Variants in ZBTB7A observed in about 807,000 individuals in gnomAD.
ZBTB7A encodes zinc finger and BTB domain-containing protein 7A.
In ZBTB7A, 7 loss-of-function variants were observed where a neutral mutation model predicts 26.7. That is an observed-to-expected ratio of 0.26 (90% CI 0.15 to 0.49). The LOEUF is 0.49. Ranked by LOEUF, ZBTB7A falls within the 20% of genes least tolerant of loss-of-function variation. The pLI is 0.98. For missense variants in ZBTB7A, 617 were observed against 919.5 expected (o/e 0.67, Z 4.25); for synonymous variants, 452 against 441.0 (o/e 1.02, Z -0.31).
Position 4,054,149 on chromosome 19 carries a change from C to G in ZBTB7A, c.1084G>C (p.Gly362Arg). ...TGCGACCAGGCCGGGTAGACGTCGC[C>G]GTCGTGGGCGCCGCTGAAGTACTTC... ...YLKYFSGAHD[G>R]DVYPAWSQKV... Residue 362 changes from glycine to arginine, a missense_variant, in exon 2 of 3, where the codon GGC becomes CGC. Gly to Arg is a moderately radical substitution (Grantham distance 125). Coordinates refer to ENST00000322357, the MANE Select transcript of ZBTB7A (RefSeq NM_015898.4). 1 of 1,603,412 alleles carries G rather than the reference C, an allele frequency of 6.2e-7. No homozygotes were observed. Among genetic ancestry groups the G allele is most frequent in the Non-Finnish European group, 8.5e-7 (1 of 1,179,716 alleles).
Position 4,043,850 on chromosome 19 carries a change from C to A in ZBTB7A, c.*3902G>T, listed in dbSNP as rs1192858440. Among the ~76,000 whole-genome samples, 6 of 144,992 alleles carry A rather than the reference C, an allele frequency of 4.1e-5. No individual in the cohort carries two copies. The highest frequency in any genetic ancestry group is 5.0e-5 in the African/African-American group (2 of 39,908). ...CCTGCGCCAGCCACCCACCACCCCC[C>A]CCCCCCCACCTCCAGGAAGGCTGCT... On this transcript the variant is annotated 3_prime_UTR_variant, in exon 3 of 3. Coordinates refer to ENST00000322357, the MANE Select transcript of ZBTB7A (RefSeq NM_015898.4).
At chr19:4,058,594 T>G (rs1212424946) in intron 1 of ZBTB7A, among the ~76,000 whole-genome samples, 2 of 152,062 alleles carry the variant, frequency 1.3e-5, no homozygotes, top group Non-Finnish European at 2.9e-5. Flanking sequence ...GGCCGGCCGG[T>G]GGCTCTCGGG....
Position 4,052,494 on chromosome 19 carries a change from G to A in ZBTB7A, c.1262+1477C>T, listed in dbSNP as rs535798140. ...CGCACCTTCCTCTCCTGGCCTGCTG[G>A]GGAGGGGGCCGGGGTGCTGGGGAGG... On this transcript the variant is annotated intron_variant, in intron 2 of 2. Transcript: ENST00000322357. The surrounding 1 kb of genome is among the most constrained non-coding windows in gnomAD (Gnocchi z 4.9). Among the ~76,000 whole-genome samples the A allele has an allele frequency of 6.0e-4, 91 of 152,262 alleles. No homozygotes were observed. Among genetic ancestry groups the A allele is most frequent in the South Asian group, 1.7e-3 (8 of 4,830 alleles).
rs1412336557 is a variant in ZBTB7A, at chr19:4,048,870, C to T, written c.1263-626G>A. On this transcript the variant is annotated intron_variant, in intron 2 of 2. Coordinates refer to ENST00000322357, the MANE Select transcript of ZBTB7A (RefSeq NM_015898.4). The surrounding 1 kb of genome is among the most constrained non-coding windows in gnomAD (Gnocchi z 6.7). ...CGTCTCAAAAAACAAATCTGCCAGG[C>T]GTGGTGGCGCAGGCCTATAATCCCA... Among the ~76,000 whole-genome samples, 4 of 149,840 alleles carry T rather than the reference C, an allele frequency of 2.7e-5. No individual in the cohort carries two copies. Among genetic ancestry groups the T allele is most frequent in the African/African-American group, 7.4e-5 (3 of 40,728 alleles).
rs1267182008 is a variant in ZBTB7A at position 4,054,766 on chromosome 19, CGGAGGA to C, written c.461_466del (p.Leu154_Leu155del). On this transcript the variant is annotated inframe_deletion, in exon 2 of 3. Coordinates refer to ENST00000322357, the MANE Select transcript of ZBTB7A (RefSeq NM_015898.4). ...GAAGAACTCGAGGTACTCCTTGGCG[CGGAGGA>C]GGTTGCGCTGATCAATTTGATCTAC... The C allele has an allele frequency of 6.4e-7, 1 of 1,574,142 alleles. No individual in the cohort carries two copies. The highest frequency in any genetic ancestry group is 8.6e-7 in the Non-Finnish European group (1 of 1,159,434).
chr19:4,049,790 C>G (rs773912798), intron 2 of ZBTB7A, among the ~76,000 whole-genome samples: 14 of 152,220 alleles, frequency 9.2e-5, no homozygotes, highest in Non-Finnish European at 1.3e-4. Flanking sequence ...TACGCTGGGG[C>G]CTTTGCATGT....
chr19:4,049,038 T>C (rs891048998), intron 2 of ZBTB7A, among the ~76,000 whole-genome samples: 3 of 148,742 alleles, frequency 2.0e-5, no homozygotes, highest in Admixed American at 6.7e-5. Flanking sequence ...GGCAGTGGCG[T>C]GATCACGGTT....
intron 1 of ZBTB7A, chr19:4,065,439 G>A (rs1439707839): frequency 6.9e-6 from 1 of 145,888 alleles, no homozygotes; most frequent in East Asian, 2.0e-4. Flanking sequence ...CCTCCTTCCC[G>A]GGGCAGCGGC....
intron 1 of ZBTB7A, among the ~76,000 whole-genome samples, chr19:4,058,574 C>T (rs1297719455): frequency 6.6e-6 from 1 of 152,228 alleles, no homozygotes; most frequent in East Asian, 1.9e-4. Context: ...GCACAGCTCA[C>T]ATTCCTCCAG....
rs2040554567 is a variant in ZBTB7A at position 4,054,716 on chromosome 19, G to A, written c.517C>T (p.Pro173Ser). 2 of 1,573,708 alleles carry A rather than the reference G, an allele frequency of 1.3e-6. No homozygotes were observed. Among genetic ancestry groups the A allele is most frequent in the Non-Finnish European group, 8.6e-7 (1 of 1,159,650 alleles). ...GCAGCGGCGGCGGCGGCCGCGGGGG[G>A]CAGGCTGTTCATGGGGTTGCTCTGG... Reference protein sequence around the residue: ...FFQSNPMNSLPPAAAAAAASF... With the variant: ...FFQSNPMNSLSPAAAAAAASF... The change falls in exon 2 of 3, where the codon CCC (proline) becomes TCC (serine). Residue 173 changes from proline to serine, a missense_variant. Pro to Ser is a moderately conservative substitution (Grantham distance 74, BLOSUM62 -1). Around this residue, in one of 5 missense-constraint regions of ZBTB7A, gnomAD observed 331 missense variants for 391.3 expected, o/e 0.85. Transcript: ENST00000322357.
In ZBTB7A at chr19:4,048,360, C is replaced by A; in HGVS notation, c.1263-116G>T. 7.4e-7 allele frequency: 1 copy of A among 1,350,240 alleles called. No individual in the cohort carries two copies. The highest frequency in any genetic ancestry group is 9.6e-7 in the Non-Finnish European group (1 of 1,046,814). 83.6% of individuals were successfully genotyped at this position (1,350,240 alleles called of 1,614,324 possible). ...ATCATCACCCTTGCAGAACACGGACCGTGCACCAGAGGTTTCGGTGCCCCG... is the reference window on the plus strand; with the variant it reads ...ATCATCACCCTTGCAGAACACGGACAGTGCACCAGAGGTTTCGGTGCCCCG... On this transcript the variant is annotated intron_variant, in intron 2 of 2. Coordinates refer to ENST00000322357, the MANE Select transcript of ZBTB7A (RefSeq NM_015898.4). This position sits in a 1 kb window ranked among gnomAD's most constrained non-coding sequence, Gnocchi z 6.7.
rs1429908466 is a variant in ZBTB7A at position 4,054,474 on chromosome 19, G to A, written c.759C>T (p.Thr253=). Residue 253 remains threonine (T), a synonymous_variant, in exon 2 of 3, where the codon ACC becomes ACT. Transcript: ENST00000322357. ...LWPERDEDAP[T]GGLFPPPVAP... is the part of the protein sequence containing the mutation. Reference sequence around the variant, plus strand: ...CCACCGGCGGCGGAAAGAGACCCCCGGTGGGGGCGTCCTCATCCCGCTCTG... The same window carrying A: ...CCACCGGCGGCGGAAAGAGACCCCCAGTGGGGGCGTCCTCATCCCGCTCTG... The A allele has an allele frequency of 1.5e-6, 2 of 1,372,914 alleles. No individual in the cohort carries two copies. The highest frequency in any genetic ancestry group is 1.9e-6 in the Non-Finnish European group (2 of 1,071,716). 85.0% of individuals were successfully genotyped at this position (1,372,914 alleles called of 1,614,324 possible).
chr19:4,049,166 GTGTATATATATA>G (rs1325623800), intron 2 of ZBTB7A, among the ~76,000 whole-genome samples: 2 of 13,476 alleles, frequency 1.5e-4, no homozygotes, highest in African/African-American at 2.1e-4. Context: ...GTGTGTGTGT[GTGTATATATATA>G]TATATATATA....
At chr19:4,064,523 T>A (rs990314752) in intron 1 of ZBTB7A, among the ~76,000 whole-genome samples, 3 of 152,258 alleles carry the variant, frequency 2.0e-5, no homozygotes, top group African/African-American at 7.2e-5. Flanking sequence ...TGCCCCAGCC[T>A]GGCCTCCCCG....
intron 2 of ZBTB7A, among the ~76,000 whole-genome samples, chr19:4,049,523 G>A (rs758951252): frequency 2.6e-5 from 4 of 151,998 alleles, no homozygotes; most frequent in Non-Finnish European, 5.9e-5. Context: ...AACAAGACAG[G>A]CAAACATCCC....
chr19:4,046,049 G>A lies in ZBTB7A; in HGVS notation c.*1703C>T, dbSNP rs1454687010. On this transcript the variant is annotated 3_prime_UTR_variant, in exon 3 of 3. Coordinates refer to ENST00000322357, the MANE Select transcript of ZBTB7A (RefSeq NM_015898.4). Reference sequence around the variant, plus strand: ...TGGGGGATTGGGGGGTGCCGGATGGGGATCGGGGTGCTCCGGCTGGAAGGC... The same window carrying A: ...TGGGGGATTGGGGGGTGCCGGATGGAGATCGGGGTGCTCCGGCTGGAAGGC... 5.0e-6 allele frequency: 2 copies of A among 399,140 alleles called. No homozygotes were observed. Among genetic ancestry groups the A allele is most frequent in the Non-Finnish European group, 8.8e-6 (2 of 226,168 alleles). The allele number at this position is 399,140 out of a possible 1,614,324, so 24.7% of individuals were successfully genotyped here. A position where few individuals can be genotyped will look rare whatever the true frequency, so the allele number is the denominator to read the frequency against.
At position 4,066,755 on chromosome 19, in the gene ZBTB7A, CGGGG is replaced by C. The variant is rs1043352860; in HGVS notation, c.-93_-90del. On this transcript the variant is annotated 5_prime_UTR_variant, in exon 1 of 3. Transcript: ENST00000322357. ...CTGGGCTCCCTCGGCCGCTCGCCTC[CGGGG>C]TCCGCGGCGCTCGCTCTGCCCGCGT... 1 of 151,730 alleles carries C rather than the reference CGGGG, an allele frequency of 6.6e-6. No homozygotes were observed. Among genetic ancestry groups the C allele is most frequent in the African/African-American group, 2.4e-5 (1 of 41,320 alleles). The allele number at this position is 151,730 out of a possible 1,614,324, so 9.4% of individuals were successfully genotyped here.
At chr19:4,055,276 C>A (rs146580794) in intron 1 of ZBTB7A, 29 bp from the exon 2 acceptor site, 1 of 1,443,282 alleles carries the variant, frequency 6.9e-7, no homozygotes, top group East Asian at 2.5e-5. Context: ...AGAGGGCGCT[C>A]GTGAGTGGGG....
intron 2 of ZBTB7A, among the ~76,000 whole-genome samples, chr19:4,053,095 C>G (rs1373426662): frequency 6.6e-6 from 1 of 152,142 alleles, no homozygotes; most frequent in African/African-American, 2.4e-5. Context: ...TCTCCCAAAG[C>G]AGAAAAAGAA....
Sources: allele counts gnomAD v4.1 joint callset (sites outside exome capture counted in the v4.1 genomes callset), GRCh38; gene constraint gnomAD v4.1.1; regional missense constraint gnomAD v4.1.1; non-coding constraint Gnocchi (gnomAD v3.1); transcripts MANE v1.5; gene names NCBI Gene and HGNC (gene_info 2026-07-23, HGNC 2026-07-21).